LPIN2: variants seen among roughly 807,000 people sequenced by gnomAD.
The protein encoded by LPIN2 is lipin 2.
Under a neutral mutation model 111.4 loss-of-function variants are expected in LPIN2, and 55 were observed. The observed-to-expected ratio is 0.49, with a 90% CI of 0.40 to 0.62. The LOEUF (loss-of-function observed/expected upper bound fraction) is 0.62, where lower values mean the gene tolerates loss of function less well. Among genes scored for constraint, LPIN2 ranks in the 20% least tolerant of loss-of-function variants. The probability of loss-of-function intolerance (pLI) is 0.00; values close to 1 mark genes in which losing one functional copy is unlikely to be tolerated. For missense variants in LPIN2, 992 were observed against 1,112.1 expected (o/e 0.89, Z 1.54); for synonymous variants, 425 against 414.0 (o/e 1.03, Z -0.32).
At chr18:2,926,857 G>T (rs995894698) in intron 12 of LPIN2, 52 bp from the exon 13 acceptor site, 4 of 1,433,866 alleles carry the variant, frequency 2.8e-6, no homozygotes, top group South Asian at 1.2e-5. Context: ...CTACAGATAA[G>T]CCAAGTTCAT....
intron 7 of LPIN2, among the ~76,000 whole-genome samples, chr18:2,936,678 C>G (rs1231213857): frequency 2.6e-5 from 4 of 152,340 alleles, no homozygotes; most frequent in Middle Eastern, 3.4e-3. Context: ...CCCCAGGGCT[C>G]AAGCGATCTT....
chr18:2,958,169 A>C (rs1447130677), intron 2 of LPIN2, among the ~76,000 whole-genome samples: 1 of 146,656 alleles, frequency 6.8e-6, no homozygotes. Flanking sequence ...AACAAAAAAA[A>C]AAAACAGAAA....
intron 4 of LPIN2, among the ~76,000 whole-genome samples, chr18:2,947,692 C>G (rs2077474973): frequency 6.6e-6 from 1 of 152,174 alleles, no homozygotes; most frequent in African/African-American, 2.4e-5. Context: ...ATGCATTTAT[C>G]TTCTCTGGAA....
chr18:2,923,817 C>CA lies in LPIN2; in HGVS notation c.2131dup (p.Trp711LeufsTer15). ...GAGCTTTGCTATACCCTGGTGGGTCCAGTCTTTGCCCAGCTGTGGGAGAAT... is the reference window on the plus strand; with the variant it reads ...GAGCTTTGCTATACCCTGGTGGGTCCAAGTCTTTGCCCAGCTGTGGGAGAAT... On this transcript the variant is annotated frameshift_variant, in exon 16 of 20. Coordinates refer to ENST00000677752, the MANE Select transcript of LPIN2 (RefSeq NM_001375808.2). LOFTEE classifies it high-confidence loss of function. 6.2e-7 allele frequency: 1 copy of CA among 1,614,174 alleles called. No homozygotes were observed. Among genetic ancestry groups the CA allele is most frequent in the Non-Finnish European group, 8.5e-7 (1 of 1,180,012 alleles).
chr18:2,995,077 C>G (rs2078321510), intron 1 of LPIN2, among the ~76,000 whole-genome samples: 1 of 152,150 alleles, frequency 6.6e-6, no homozygotes, highest in African/African-American at 2.4e-5. Flanking sequence ...GAGCACCTGT[C>G]AGGTAGGACT....
At chr18:2,973,337 A>C (rs2077954669) in intron 1 of LPIN2, among the ~76,000 whole-genome samples, 1 of 152,166 alleles carries the variant, frequency 6.6e-6, no homozygotes, top group Non-Finnish European at 1.5e-5. Context: ...AAATGCCCAA[A>C]CCCATCTGGA....
intron 4 of LPIN2, among the ~76,000 whole-genome samples, chr18:2,945,104 A>C (rs1040787860): frequency 2.6e-5 from 4 of 152,356 alleles, no homozygotes; most frequent in African/African-American, 4.8e-5. Flanking sequence ...AATATTTTCA[A>C]GTACCGTAAG....
At chr18:2,994,879 A>G (rs1437870786) in intron 1 of LPIN2, among the ~76,000 whole-genome samples, 1 of 152,210 alleles carries the variant, frequency 6.6e-6, no homozygotes, top group Admixed American at 6.5e-5. Flanking sequence ...CCCTGTATTG[A>G]TAAGCCTGTT....
chr18:2,921,269 G>A lies in LPIN2; in HGVS notation c.2442+264C>T, dbSNP rs58696644. On this transcript the variant is annotated intron_variant, in intron 18 of 19. Transcript: ENST00000677752. ...CTCAGAACTGCTTAGAAGAGGAGCC[G>A]GAGCTGCCTGAGGAAATGGAATGGC... The A allele has an allele frequency of 2.5e-3, 1,451 of 576,834 alleles. 14 individuals are homozygous for A. Among genetic ancestry groups the A allele is most frequent in the African/African-American group, 0.022 (1,203 of 53,554 alleles). 35.7% of individuals were successfully genotyped at this position (576,834 alleles called of 1,614,324 possible). A position where few individuals can be genotyped will look rare whatever the true frequency, so the allele number is the denominator to read the frequency against.
chr18:2,921,505 C>G, intron 18 of LPIN2, 28 bp downstream of exon 18: 1 of 1,537,094 alleles, frequency 6.5e-7, no homozygotes, highest in Non-Finnish European at 9.0e-7. Context: ...TCACCCACAT[C>G]AGAACCCAGA....
chr18:2,977,795 T>G (rs560368982), intron 1 of LPIN2, among the ~76,000 whole-genome samples: 2 of 152,184 alleles, frequency 1.3e-5, no homozygotes, highest in Admixed American at 1.3e-4. Context: ...GAATTATAAT[T>G]AATGAAGAAA....
At chr18:2,958,161 C>CAAAAAAAAAAAAAAAAAA (rs1017981496) in intron 2 of LPIN2, among the ~76,000 whole-genome samples, 2 of 44,712 alleles carry the variant, frequency 4.5e-5, no homozygotes, top group African/African-American at 7.5e-5. Flanking sequence ...AAAAAAACAA[C>CAAAAAAAAAAAAAAAAAA]AAAAAAAAAA....
At chr18:3,008,356 C>A (rs750575964) in intron 1 of LPIN2, among the ~76,000 whole-genome samples, 1 of 152,212 alleles carries the variant, frequency 6.6e-6, no homozygotes, top group Non-Finnish European at 1.5e-5. Context: ...GTGGGAGGAT[C>A]GCTTGAGCCC....
intron 1 of LPIN2, among the ~76,000 whole-genome samples, chr18:2,978,074 C>G (rs2143345468): frequency 6.6e-6 from 1 of 152,108 alleles, no homozygotes; most frequent in Admixed American, 6.5e-5. Context: ...GTAGTCCCAG[C>G]TACTCAGGAG....
chr18:2,987,029 T>C (rs1453012352), intron 1 of LPIN2, among the ~76,000 whole-genome samples: 1 of 152,212 alleles, frequency 6.6e-6, no homozygotes, highest in African/African-American at 2.4e-5. Context: ...TTTAAATGTC[T>C]TTTTCTTCTC....
intron 1 of LPIN2, among the ~76,000 whole-genome samples, chr18:2,980,428 C>T (rs650462): frequency 0.95 from 145,359 of 152,282 alleles, 69,538 homozygotes; most frequent in East Asian, 1. Flanking sequence ...GTAATGACAA[C>T]GTGTTATGGT....
At chr18:2,923,320 T>G (rs1269279471) in intron 16 of LPIN2, among the ~76,000 whole-genome samples, 1 of 143,978 alleles carries the variant, frequency 6.9e-6, no homozygotes, top group African/African-American at 2.6e-5. Flanking sequence ...CTCGGGAGAC[T>G]GAGGCAGAAG....
intron 4 of LPIN2, 86 bp downstream of exon 4, chr18:2,950,969 G>A: frequency 2.1e-6 from 3 of 1,399,562 alleles, no homozygotes; most frequent in Non-Finnish European, 2.0e-6. Context: ...ACCTCACACT[G>A]TGTATCCATA....
rs368769157 is a variant in LPIN2 at position 2,926,621 on chromosome 18, G to A, written c.1793+102C>T. ...ATCACAGCATGTAGTATCTGCAGAA[G>A]ATACTCCCAAGAACTAAACAAGCTG... On this transcript the variant is annotated intron_variant, in intron 13 of 19. Coordinates refer to ENST00000677752, the MANE Select transcript of LPIN2 (RefSeq NM_001375808.2). 3.0e-5 allele frequency: 28 copies of A among 945,364 alleles called. No homozygotes were observed. In the East Asian group the frequency reaches 5.2e-4, roughly 18 times the overall value. The allele number at this position is 945,364 out of a possible 1,614,324, so 58.6% of individuals were successfully genotyped here. A position where few individuals can be genotyped will look rare whatever the true frequency, so the allele number is the denominator to read the frequency against.
Sources: allele counts gnomAD v4.1 joint callset (sites outside exome capture counted in the v4.1 genomes callset), GRCh38; gene constraint gnomAD v4.1.1; transcripts MANE v1.5; gene names NCBI Gene and HGNC (gene_info 2026-07-23, HGNC 2026-07-21).